Variants in CDH18 observed in about 807,000 individuals in gnomAD.
The protein encoded by CDH18 is cadherin-18.
Under a neutral mutation model 67.9 loss-of-function variants are expected in CDH18, and 31 were observed. That is an observed-to-expected ratio of 0.46 (90% CI 0.34 to 0.62). The LOEUF (loss-of-function observed/expected upper bound fraction) is 0.62. Among genes scored for constraint, CDH18 ranks in the 20% least tolerant of loss-of-function variants. The probability of loss-of-function intolerance (pLI) is 0.01; values close to 1 mark genes in which losing one functional copy is unlikely to be tolerated. For missense variants in CDH18, 890 were observed against 975.5 expected, an observed-to-expected ratio of 0.91 and a Z score of 1.17; for synonymous variants, 362 against 347.2, an observed-to-expected ratio of 1.04 and a Z score of -0.48.
chr5:19,772,443 A>C (rs1773838958), intron 3 of CDH18, among the ~76,000 whole-genome samples: 1 of 152,148 alleles, frequency 6.6e-6, no homozygotes. Context: ...TGAAGATGTT[A>C]TAATACTTGC....
intron 9 of CDH18, among the ~76,000 whole-genome samples, chr5:19,539,145 CTCTT>C (rs1274615234): frequency 6.6e-6 from 1 of 152,120 alleles, no homozygotes; most frequent in Non-Finnish European, 1.5e-5. Flanking sequence ...TTTACTAGTG[CTCTT>C]TCTTTCTATA....
chr5:20,391,220 C>T (rs1744828988), intron 1 of CDH18, among the ~76,000 whole-genome samples: 1 of 151,948 alleles, frequency 6.6e-6, no homozygotes, highest in Non-Finnish European at 1.5e-5. Context: ...AACATAAACA[C>T]ATATATAAAC....
intron 10 of CDH18, among the ~76,000 whole-genome samples, chr5:19,516,600 T>C (rs1234472647): frequency 6.6e-6 from 1 of 152,192 alleles, no homozygotes; most frequent in African/African-American, 2.4e-5. Context: ...TCCAGGACTG[T>C]ATCCATTTCT....
At chr5:19,964,498 T>G (rs1336412489) in intron 2 of CDH18, among the ~76,000 whole-genome samples, 1 of 151,034 alleles carries the variant, frequency 6.6e-6, no homozygotes, top group Admixed American at 6.6e-5. Flanking sequence ...CTTGAGGGGC[T>G]GAGGTGGGAG....
At chr5:19,569,099 T>C (rs1740925660) in intron 8 of CDH18, among the ~76,000 whole-genome samples, 1 of 152,226 alleles carries the variant, frequency 6.6e-6, no homozygotes, top group Non-Finnish European at 1.5e-5. Context: ...ATTGTTTTGG[T>C]TATAATTATC....
chr5:20,511,944 A>T (rs1264227691), intron 1 of CDH18, among the ~76,000 whole-genome samples: 1 of 152,160 alleles, frequency 6.6e-6, no homozygotes, highest in African/African-American at 2.4e-5. Flanking sequence ...AATTTAAAAA[A>T]CAGGCTGGGT....
chr5:20,278,796 A>G lies in CDH18; in HGVS notation c.-579-23291T>C, dbSNP rs887194788. ...TATTTGACAGTCTGATTGCTTATGC[A>G]ATCAGTTAAGTTGTATTATTTTAAA... On this transcript the variant is annotated intron_variant, in intron 1 of 14. Transcript: ENST00000507958. Among the ~76,000 whole-genome samples, 11 of 152,138 alleles carry G rather than the reference A, an allele frequency of 7.2e-5. 1 individual carries two copies. Among genetic ancestry groups the G allele is most frequent in the Admixed American group, 5.9e-4 (9 of 15,256 alleles).
rs563341909 is a variant in CDH18, at chr5:20,296,138, T to A, written c.-579-40633A>T. Among the ~76,000 whole-genome samples, 24 of 151,800 alleles carry A rather than the reference T, an allele frequency of 1.6e-4. No individual in the cohort carries two copies. The South Asian group carries it at 2.7e-3, about 17-fold the overall frequency. Reference sequence around the variant, plus strand: ...ATTCGCCCGCCTCAGCCTCCCAAAGTGCTGGGATTGCAGGTGTCAGCCATC... The same window carrying A: ...ATTCGCCCGCCTCAGCCTCCCAAAGAGCTGGGATTGCAGGTGTCAGCCATC... On this transcript the variant is annotated intron_variant, in intron 1 of 14. Transcript: ENST00000507958.
intron 2 of CDH18, among the ~76,000 whole-genome samples, chr5:19,936,333 AT>A (rs1794257924): frequency 6.6e-6 from 1 of 151,406 alleles, no homozygotes; most frequent in Admixed American, 6.6e-5. Flanking sequence ...AAAATAATTA[AT>A]TATAAATGAT....
chr5:20,223,675 TG>T (rs1195695881), intron 2 of CDH18, among the ~76,000 whole-genome samples: 1 of 152,082 alleles, frequency 6.6e-6, no homozygotes, highest in Non-Finnish European at 1.5e-5. Flanking sequence ...AATTGATTCA[TG>T]GGGGTGAGTC....
intron 1 of CDH18, among the ~76,000 whole-genome samples, chr5:20,444,850 G>A (rs565289442): frequency 2.6e-4 from 40 of 151,024 alleles, no homozygotes; most frequent in South Asian, 1.5e-3. Flanking sequence ...AATCCTATAA[G>A]AGAGATGCTT....
At position 20,253,467 on chromosome 5, in the gene CDH18, G is replaced by A. The variant is rs1475431135; in HGVS notation, c.-518+1977C>T. Reference sequence around the variant, plus strand: ...AATCTGGATGCTAAGGAAACTCATCGAGATTCAGGAAAACATTCAAACCCC... The same window carrying A: ...AATCTGGATGCTAAGGAAACTCATCAAGATTCAGGAAAACATTCAAACCCC... On this transcript the variant is annotated intron_variant, in intron 2 of 14. Coordinates refer to the CDH18 transcript ENST00000507958. 3.9e-5 allele frequency among the ~76,000 whole-genome samples: 6 copies of A among 152,202 alleles called. No homozygotes were observed. In the South Asian group the frequency reaches 6.2e-4, roughly 16 times the overall value.
At chr5:20,537,752 AC>A (rs1756810886) in intron 1 of CDH18, among the ~76,000 whole-genome samples, 1 of 81,942 alleles carries the variant, frequency 1.2e-5, no homozygotes, top group Non-Finnish European at 2.5e-5. Flanking sequence ...TACAAAAAAA[AC>A]TAGAGGAAAA....
At chr5:20,519,942 CTTTTTTTTTTTTTTTTTTTTTTTTTTT>C (rs777265512) in intron 1 of CDH18, among the ~76,000 whole-genome samples, 1 of 41,674 alleles carries the variant, frequency 2.4e-5, no homozygotes, top group Non-Finnish European at 4.5e-5. Context: ...ACAGTCTTGG[CTTTTTTTTTTTTTTTTTTTTTTTTTTT>C]TTTTTTTTTT....
chr5:20,023,054 C>T (rs1483073268), intron 2 of CDH18, among the ~76,000 whole-genome samples: 4 of 152,050 alleles, frequency 2.6e-5, no homozygotes. Flanking sequence ...TTTTTTTAAA[C>T]TTTAAAACAC....
intron 1 of CDH18, among the ~76,000 whole-genome samples, chr5:20,544,067 A>T (rs1336315785): frequency 6.6e-6 from 1 of 152,194 alleles, no homozygotes; most frequent in Non-Finnish European, 1.5e-5. Context: ...AATGATCAAG[A>T]TTAACTGTGT....
chr5:20,556,108 A>G (rs907073602), intron 1 of CDH18, among the ~76,000 whole-genome samples: 16 of 152,220 alleles, frequency 1.1e-4, no homozygotes, highest in East Asian at 1.9e-4. Context: ...TCCACTGTCA[A>G]TTGTTCTACA....
chr5:20,058,253 C>T (rs1354090595), intron 2 of CDH18, among the ~76,000 whole-genome samples: 1 of 152,066 alleles, frequency 6.6e-6, no homozygotes, highest in Non-Finnish European at 1.5e-5. Context: ...ATATACAAGT[C>T]ATCATAGTAG....
In CDH18 at chr5:19,747,154, T is replaced by C; in HGVS notation, c.311A>G (p.Asp104Gly). 6.2e-7 allele frequency: 1 copy of C among 1,613,628 alleles called. No homozygotes were observed. Among genetic ancestry groups the C allele is most frequent in the Non-Finnish European group, 8.5e-7 (1 of 1,179,516 alleles). The stretch of plus-strand genomic sequence containing the variant: ...TGAGTGGATATCACCCGTGGTATCG[T>C]CAATGATAAATATAGTCCCAGCACC... ...GEGAGTIFII[D>G]DTTGDIHSTK... The change falls in exon 4 of 13, where the codon GAC becomes GGC. Residue 104 changes from aspartate to glycine, a missense_variant. Physicochemically the swap from Asp to Gly is moderately conservative, Grantham distance 94. Around this residue, in one of 2 missense-constraint regions of CDH18, gnomAD observed 234 missense variants for 307.4 expected, o/e 0.76. Coordinates refer to ENST00000382275, the MANE Select transcript of CDH18 (RefSeq NM_004934.5).
Sources: gnomAD v4.1 joint callset for allele counts (sites outside exome capture counted in the v4.1 genomes callset) on GRCh38, gnomAD v4.1.1 for gene constraint, gnomAD v4.1.1 regional missense constraint, MANE v1.5 for transcripts, NCBI Gene and HGNC (gene_info 2026-07-23, HGNC 2026-07-21) for gene names.